The following MNT variants were observed in gnomAD, a reference collection of about 807,000 sequenced individuals.
The protein encoded by MNT is max-binding protein MNT.
Under a neutral mutation model 40.7 loss-of-function variants are expected in MNT, and 13 were observed. The ratio of observed to expected loss-of-function variants is 0.32; its 90% CI spans 0.21 to 0.51. The LOEUF (loss-of-function observed/expected upper bound fraction) is 0.51. Among genes scored for constraint, MNT ranks in the 20% least tolerant of loss-of-function variants. The pLI, the probability that MNT is intolerant of heterozygous loss-of-function variation, is 0.98. For missense variants in MNT, 757 were observed against 792.0 expected (o/e 0.96, Z 0.53); for synonymous variants, 426 against 354.8 (o/e 1.20, Z -2.26).
intron 1 of MNT, 44 bp downstream of exon 1, chr17:2,400,596 C>G: frequency 1.3e-6 from 2 of 1,546,158 alleles, no homozygotes; most frequent in South Asian, 1.2e-5. Context: ...GGGTCACTCG[C>G]TTCCCCTTCC....
intron 4 of MNT, among the ~76,000 whole-genome samples, chr17:2,393,240 G>A (rs1041829892): frequency 2.5e-4 from 37 of 149,952 alleles, no homozygotes; most frequent in Non-Finnish European, 5.3e-4. Context: ...CCGGCCCGGC[G>A]CGCGGAAGCC....
At chr17:2,399,093 T>C (rs1381247) in intron 1 of MNT, among the ~76,000 whole-genome samples, 55,275 of 151,292 alleles carry the variant, frequency 0.37, 10,460 homozygotes, top group East Asian at 0.53. Flanking sequence ...GACTCATCAT[T>C]GAAGCAACAA....
intron 4 of MNT, among the ~76,000 whole-genome samples, chr17:2,392,250 G>A (rs748886181): frequency 7.9e-5 from 12 of 152,200 alleles, no homozygotes; most frequent in Non-Finnish European, 1.6e-4. Context: ...ATGAATAAAT[G>A]AATAAATGGT....
chr17:2,393,966 G>T (rs2066550364), intron 4 of MNT, 77 bp downstream of exon 4: 1 of 1,001,130 alleles, frequency 1.0e-6, no homozygotes. Flanking sequence ...GTGAGGGCGG[G>T]GCGGGGCGCG....
chr17:2,388,165 G>C, intron 4 of MNT, 116 bp from the exon 5 acceptor site: 1 of 987,012 alleles, frequency 1.0e-6, no homozygotes, highest in South Asian at 1.7e-5. Flanking sequence ...GGCAACCAGC[G>C]GGCCCAGCCT....
chr17:2,394,537 ACTC>A (rs2066559275), intron 2 of MNT, among the ~76,000 whole-genome samples, 191 bp from the exon 3 acceptor site: 1 of 150,978 alleles, frequency 6.6e-6, no homozygotes, highest in Non-Finnish European at 1.5e-5. Context: ...CATAATCACA[ACTC>A]CTGTCACCCT....
rs916842658 is a variant in MNT, at chr17:2,385,850, A to T, written c.*1051T>A. 3.3e-5 allele frequency: 5 copies of T among 152,258 alleles called. No homozygotes were observed. The highest frequency in any genetic ancestry group is 5.9e-5 in the Non-Finnish European group (4 of 68,076). The allele number at this position is 152,258 out of a possible 1,614,324, so 9.4% of individuals were successfully genotyped here. ...CTGATGTCTCAACGATGTGGCTTCT[A>T]TGCTCCTGGAAACAAGACCAGATGC... On this transcript the variant is annotated 3_prime_UTR_variant, in exon 6 of 6. Transcript: ENST00000174618.
chr17:2,387,709 C>T (rs1260599223), intron 5 of MNT, 60 bp from the exon 6 acceptor site: 19 of 1,592,514 alleles, frequency 1.2e-5, no homozygotes, highest in African/African-American at 4.0e-5. Context: ...TGGCTGGAGG[C>T]GTAGATGCTC....
At position 2,393,902 on chromosome 17, in the gene MNT, T is replaced by C. The variant is rs1355249595; in HGVS notation, c.807+141A>G. The C allele has an allele frequency of 1.4e-5, 6 of 443,310 alleles. No homozygotes were observed. The South Asian group carries it at 2.0e-4, about 15-fold the overall frequency. 27.5% of individuals were successfully genotyped at this position (443,310 alleles called of 1,614,324 possible). ...AGCCCCGCTGACGTCAGCCGGGCCA[T>C]GTGCTCAGCGCCCGCGTGGAGGTGG... On this transcript the variant is annotated intron_variant, in intron 4 of 5. Transcript: ENST00000174618.
rs867131859 is a variant in MNT, at chr17:2,387,115, G to A, written c.1535C>T (p.Pro512Leu). 1 of 1,587,480 alleles carries A rather than the reference G, an allele frequency of 6.3e-7. No individual in the cohort carries two copies. The highest frequency in any genetic ancestry group is 8.6e-7 in the Non-Finnish European group (1 of 1,167,874). Reference protein sequence around the residue: ...AHLGSQLPLYPQPVAVSHIAH... With the variant: ...AHLGSQLPLYLQPVAVSHIAH... ...GATGTGGCTCACTGCCACGGGCTGC[G>A]GGTACAAGGGCAGCTGGGAGCCCAG... The change falls in exon 6 of 6, where the codon CCG (proline) becomes CTG (leucine). Residue 512 changes from proline to leucine, a missense_variant. This residue lies in a region of MNT where 345 missense variants were observed against 380.1 expected (regional missense o/e 0.91). Coordinates refer to ENST00000174618, the MANE Select transcript of MNT (RefSeq NM_020310.3).
Position 2,394,040 on chromosome 17 carries a change from T to C in MNT, c.807+3A>G, listed in dbSNP as rs1245325430. On this transcript the variant is annotated splice_donor_region_variant and intron_variant, in intron 4 of 5. Transcript: ENST00000174618. Reference sequence around the variant, plus strand: ...GCGCGACGCCGGCCTCCGGGCCCCATACCTGGATGTACCGCAGCGCCGTCC... The same window carrying C: ...GCGCGACGCCGGCCTCCGGGCCCCACACCTGGATGTACCGCAGCGCCGTCC... 5.7e-6 allele frequency: 9 copies of C among 1,589,516 alleles called. No individual in the cohort carries two copies. The highest frequency in any genetic ancestry group is 6.8e-6 in the Non-Finnish European group (8 of 1,169,606).
chr17:2,387,700 G>A, intron 5 of MNT, 51 bp from the exon 6 acceptor site: 3 of 1,603,148 alleles, frequency 1.9e-6, no homozygotes, highest in African/African-American at 1.3e-5. Context: ...GGAAGCAAGT[G>A]GCTGGAGGCG....
rs755261009 is a variant in MNT, at chr17:2,395,307, G to C, written c.221C>G (p.Pro74Arg). The change falls in exon 2 of 6, where the codon CCG becomes CGG. Residue 74 changes from proline (P) to arginine (R), a missense_variant. By Grantham distance (103) the Pro-to-Arg change is moderately radical. Around this residue, in one of 4 missense-constraint regions of MNT, gnomAD observed 335 missense variants for 291.4 expected, o/e 1.15. Transcript: ENST00000174618. Reference protein sequence around the residue: ...PLPLSPPAPPPAPPPPLATPA... With the variant: ...PLPLSPPAPPRAPPPPLATPA... ...GGTGGCAAGTGGTGGTGGGGGTGCC[G>C]GCGGGGGAGCCGGTGGAGACAGAGG... The C allele has an allele frequency of 1.3e-6, 2 of 1,597,766 alleles. No homozygotes were observed. The highest frequency in any genetic ancestry group is 1.7e-6 in the Non-Finnish European group (2 of 1,172,118).
At position 2,400,971 on chromosome 17, in the gene MNT, T is replaced by G; in HGVS notation, c.-259A>C. On this transcript the variant is annotated 5_prime_UTR_variant, in exon 1 of 6. Transcript: ENST00000174618. ...AAAAAAAAGGCGGCACTGCCTCCCT[T>G]CTTCCCCTCCCTCTCTACCTCCCTT... The G allele has an allele frequency of 2.8e-6, 1 of 360,860 alleles. No individual in the cohort carries two copies. Among genetic ancestry groups the G allele is most frequent in the Non-Finnish European group, 5.0e-6 (1 of 200,926 alleles). The allele number at this position is 360,860 out of a possible 1,614,324, so 22.4% of individuals were successfully genotyped here. A position where few individuals can be genotyped will look rare whatever the true frequency, so the allele number is the denominator to read the frequency against.
At position 2,395,354 on chromosome 17, in the gene MNT, G is replaced by C. The variant is rs763413073; in HGVS notation, c.174C>G (p.Pro58=). ...RLAHTLPVEE[P]RMEAPPLPLS... ...GAGGCAGGGGTGGCGCCTCCATGCG[G>C]GGTTCCTCCACAGGAAGGGTATGTG... The change falls in exon 2 of 6, where the codon CCC becomes CCG. Residue 58 remains proline, a synonymous_variant. Transcript: ENST00000174618. The C allele has an allele frequency of 3.7e-6, 6 of 1,613,190 alleles. No homozygotes were observed. The highest frequency in any genetic ancestry group is 3.3e-5 in the Admixed American group (2 of 59,976).
At chr17:2,397,263 C>T (rs1004955530) in intron 1 of MNT, among the ~76,000 whole-genome samples, 3 of 152,094 alleles carry the variant, frequency 2.0e-5, no homozygotes, top group Non-Finnish European at 2.9e-5. Flanking sequence ...TCCCACAGAC[C>T]GCAGTGGCCA....
chr17:2,386,500 G>A lies in MNT; in HGVS notation c.*401C>T, dbSNP rs942547966. On this transcript the variant is annotated 3_prime_UTR_variant, in exon 6 of 6. Coordinates refer to ENST00000174618, the MANE Select transcript of MNT (RefSeq NM_020310.3). ...GAACATGAGGCTCCGGAGGAAAGCC[G>A]GGGGCCTGGGCCACCTCACCAGACA... 2 of 196,452 alleles carry A rather than the reference G, an allele frequency of 1.0e-5. No individual in the cohort carries two copies. The highest frequency in any genetic ancestry group is 2.1e-5 in the Non-Finnish European group (2 of 97,018). The allele number at this position is 196,452 out of a possible 1,614,324, so 12.2% of individuals were successfully genotyped here. A position where few individuals can be genotyped will look rare whatever the true frequency, so the allele number is the denominator to read the frequency against.
chr17:2,396,547 G>C (rs1411820594), intron 1 of MNT: 1 of 152,286 alleles, frequency 6.6e-6, no homozygotes, highest in African/African-American at 2.4e-5. Flanking sequence ...TGGGGGCTGA[G>C]CAGGGCAGTG....
At chr17:2,398,270 G>A (rs1041735241) in intron 1 of MNT, among the ~76,000 whole-genome samples, 2 of 152,230 alleles carry the variant, frequency 1.3e-5, no homozygotes, top group African/African-American at 4.8e-5. Flanking sequence ...CAGGCCTTCC[G>A]TCTGGGCACC....
Sources: gnomAD v4.1 joint callset for allele counts (sites outside exome capture counted in the v4.1 genomes callset) on GRCh38, gnomAD v4.1.1 for gene constraint, gnomAD v4.1.1 regional missense constraint, MANE v1.5 for transcripts, NCBI Gene and HGNC (gene_info 2026-07-23, HGNC 2026-07-21) for gene names.